CADM2: variants seen among roughly 807,000 people sequenced by gnomAD.
The protein encoded by CADM2 is immunoglobulin superfamily member 4D.
A neutral mutation model predicts 49.8 loss-of-function variants in CADM2; 12 were observed. The ratio of observed to expected loss-of-function variants is 0.24; its 90% CI spans 0.15 to 0.39. The LOEUF (loss-of-function observed/expected upper bound fraction) is 0.39, where lower values mean the gene tolerates loss of function less well. Ranked by LOEUF, CADM2 falls within the 10% of genes least tolerant of loss-of-function variation. CADM2 has a pLI of 1.00. For missense variants in CADM2, 378 were observed against 492.3 expected (o/e 0.77, Z 2.20); for synonymous variants, 214 against 175.4 (o/e 1.22, Z -1.74).
intron 1 of CADM2, among the ~76,000 whole-genome samples, chr3:85,598,390 G>A (rs1033171087): frequency 6.6e-6 from 1 of 151,578 alleles, no homozygotes; most frequent in Non-Finnish European, 1.5e-5. Flanking sequence ...TAAAATCTCT[G>A]GAATTTCTAG....
chr3:85,168,959 A>C (rs912649247), intron 1 of CADM2, among the ~76,000 whole-genome samples: 2 of 151,440 alleles, frequency 1.3e-5, no homozygotes, highest in South Asian at 4.2e-4. Context: ...TTATTTATTT[A>C]TTTATTTATT....
chr3:84,974,600 C>T (rs1408305504), intron 1 of CADM2, among the ~76,000 whole-genome samples: 3 of 151,936 alleles, frequency 2.0e-5, no homozygotes, highest in African/African-American at 4.8e-5. Flanking sequence ...CTGTTCTGTT[C>T]ATTAAATACT....
chr3:85,529,517 T>A (rs1010823369), intron 1 of CADM2, among the ~76,000 whole-genome samples: 2 of 152,210 alleles, frequency 1.3e-5, no homozygotes, highest in African/African-American at 4.8e-5. Context: ...TGTGAGACCA[T>A]AATTGCTAGA....
chr3:85,934,499 ACAC>A (rs1353397628), intron 6 of CADM2, among the ~76,000 whole-genome samples: 1 of 152,052 alleles, frequency 6.6e-6, no homozygotes, highest in African/African-American at 2.4e-5. Flanking sequence ...AAGTCATTTT[ACAC>A]CACAAGTATT....
intron 1 of CADM2, among the ~76,000 whole-genome samples, chr3:85,481,256 T>TCA (rs891237981): frequency 2.8e-5 from 4 of 142,612 alleles, no homozygotes; most frequent in African/African-American, 1.0e-4. Flanking sequence ...ATGTTTTGTA[T>TCA]CACAATCAAT....
At chr3:85,696,738 T>C (rs977046657) in intron 1 of CADM2, among the ~76,000 whole-genome samples, 4 of 151,954 alleles carry the variant, frequency 2.6e-5, no homozygotes, top group African/African-American at 9.7e-5. Flanking sequence ...TTTGGGCTTA[T>C]AATAATAGGC....
intron 1 of CADM2, among the ~76,000 whole-genome samples, chr3:85,405,135 T>C (rs1200294499): frequency 6.6e-6 from 1 of 152,092 alleles, no homozygotes; most frequent in Non-Finnish European, 1.5e-5. Context: ...AAGTTAGCTA[T>C]TTGGGGTAAA....
chr3:85,793,429 C>T (rs182596827), intron 2 of CADM2, among the ~76,000 whole-genome samples: 26 of 152,056 alleles, frequency 1.7e-4, no homozygotes, highest in Admixed American at 5.2e-4. Context: ...ATTGTGGGTA[C>T]GAATGGGGAA....
At chr3:85,969,954 T>C (rs1234354013) in intron 8 of CADM2, among the ~76,000 whole-genome samples, 1 of 97,014 alleles carries the variant, frequency 1.0e-5, no homozygotes, top group Non-Finnish European at 1.9e-5. Flanking sequence ...GGGGTGTGTT[T>C]GTGTGTGTGT....
chr3:85,143,858 A>G (rs1406620825), intron 1 of CADM2, among the ~76,000 whole-genome samples: 3 of 152,224 alleles, frequency 2.0e-5, no homozygotes, highest in Admixed American at 6.5e-5. Context: ...CCATGGCTCA[A>G]GTTTTCCAGA....
chr3:85,969,356 G>C (rs1725832012), intron 8 of CADM2, among the ~76,000 whole-genome samples: 1 of 151,150 alleles, frequency 6.6e-6, no homozygotes, highest in Non-Finnish European at 1.5e-5. Flanking sequence ...AAGTTATCAA[G>C]GTCATTTTCT....
intron 1 of CADM2, among the ~76,000 whole-genome samples, chr3:85,541,720 A>C (rs1366864531): frequency 1.6e-5 from 2 of 125,984 alleles, no homozygotes; most frequent in African/African-American, 6.8e-5. Context: ...ATTTTATATT[A>C]TATATATATA....
At chr3:85,158,581 A>G (rs1397443304) in intron 1 of CADM2, among the ~76,000 whole-genome samples, 2 of 152,196 alleles carry the variant, frequency 1.3e-5, no homozygotes, top group Admixed American at 6.5e-5. Flanking sequence ...TCAGTAAACT[A>G]TCGCCAAGAA....
At chr3:85,640,877 G>A (rs192176571) in intron 1 of CADM2, among the ~76,000 whole-genome samples, 5 of 152,178 alleles carry the variant, frequency 3.3e-5, no homozygotes, top group African/African-American at 1.2e-4. Flanking sequence ...TGGAATTTAA[G>A]CAAGTCTTTG....
chr3:86,052,800 TA>T (rs1737496924), intron 8 of CADM2, among the ~76,000 whole-genome samples: 1 of 152,124 alleles, frequency 6.6e-6, no homozygotes, highest in South Asian at 2.1e-4. Flanking sequence ...TATGCTTAAA[TA>T]GAAAGATTAA....
chr3:85,289,970 A>G (rs1238222703), intron 1 of CADM2, among the ~76,000 whole-genome samples: 2 of 152,202 alleles, frequency 1.3e-5, no homozygotes, highest in Non-Finnish European at 2.9e-5. Flanking sequence ...GCTCCAGTCT[A>G]CAGCTACCAG....
chr3:85,959,409 C>T (rs568476554), intron 7 of CADM2, among the ~76,000 whole-genome samples: 1 of 151,974 alleles, frequency 6.6e-6, no homozygotes, highest in East Asian at 2.0e-4. Context: ...CCTTCAGTCA[C>T]CTCAGCTCCC....
intron 2 of CADM2, among the ~76,000 whole-genome samples, chr3:85,797,180 A>G (rs371757262): frequency 1.3e-5 from 2 of 152,070 alleles, no homozygotes; most frequent in African/African-American, 4.8e-5. Flanking sequence ...TTTGTTACAT[A>G]GCAATAAACA....
chr3:85,224,920 G>A (rs889732778), intron 1 of CADM2, among the ~76,000 whole-genome samples: 1 of 152,080 alleles, frequency 6.6e-6, no homozygotes, highest in African/African-American at 2.4e-5. Context: ...TAGATGTGTG[G>A]TGTTATTCCT....
Sources: gnomAD v4.1 joint callset for allele counts (sites outside exome capture counted in the v4.1 genomes callset) on GRCh38, gnomAD v4.1.1 for gene constraint, MANE v1.5 for transcripts, NCBI Gene and HGNC (gene_info 2026-07-23, HGNC 2026-07-21) for gene names.